Variants in RAE1 observed in about 807,000 individuals in gnomAD.
RAE1 encodes ribonucleic acid export 1, also known as mRNA export factor RAE1.
RAE1 carries 13 observed loss-of-function variants against 52.7 expected under a neutral mutation model. That is an observed-to-expected ratio of 0.25 (90% CI 0.16 to 0.39). The LOEUF is 0.39. Ranked by LOEUF, RAE1 falls within the 10% of genes least tolerant of loss-of-function variation. The probability of loss-of-function intolerance (pLI) is 1.00; values close to 1 mark genes in which losing one functional copy is unlikely to be tolerated. For missense variants in RAE1, 262 were observed against 459.8 expected (o/e 0.57, Z 3.93); for synonymous variants, 164 against 153.1 (o/e 1.07, Z -0.52).
rs766828256 is a variant in RAE1, at chr20:57,367,077, G to A, written c.532G>A (p.Val178Met). ...QLPERCYCAD[V>M]IYPMAVVATA... ...CCCTGAAAGGTGTTACTGTGCTGACGTGGTAAGGGATTTCAACTTAATATG... is the reference window on the plus strand; with the variant it reads ...CCCTGAAAGGTGTTACTGTGCTGACATGGTAAGGGATTTCAACTTAATATG... Residue 178 changes from valine (V) to methionine (M), a missense_variant and splice_region_variant, in exon 7 of 12, where the codon GTG (valine) becomes ATG (methionine). Physicochemically the swap from Val to Met is conservative, Grantham distance 21. Coordinates refer to ENST00000395841, the MANE Select transcript of RAE1 (RefSeq NM_003610.4). 1.9e-5 allele frequency: 30 copies of A among 1,576,274 alleles called. No individual in the cohort carries two copies. Among genetic ancestry groups the A allele is most frequent in the African/African-American group, 6.8e-5 (5 of 73,222 alleles).
chr20:57,369,424 C>A (rs1040716002), intron 8 of RAE1, among the ~76,000 whole-genome samples: 1 of 152,212 alleles, frequency 6.6e-6, no homozygotes, highest in South Asian at 2.1e-4. Context: ...AGTTAATCTT[C>A]CCTAATCAGG....
chr20:57,373,852 T>G, intron 10 of RAE1, 114 bp downstream of exon 10: 1 of 1,123,056 alleles, frequency 8.9e-7, no homozygotes, highest in Non-Finnish European at 1.3e-6. Flanking sequence ...TGTGTTCATG[T>G]CCGGAGATAA....
chr20:57,362,873 G>C (rs970412606), intron 4 of RAE1, among the ~76,000 whole-genome samples: 2 of 152,156 alleles, frequency 1.3e-5, no homozygotes, highest in East Asian at 3.9e-4. Flanking sequence ...TCCACCTCCT[G>C]GGTTCTAAGT....
At chr20:57,351,519 G>T in intron 1 of RAE1, 97 bp downstream of exon 1, 1 of 985,482 alleles carries the variant, frequency 1.0e-6, no homozygotes, top group Non-Finnish European at 1.2e-6. Flanking sequence ...CGGGATGCTG[G>T]GGCGCGAGCG....
chr20:57,354,626 A>C, intron 2 of RAE1, 86 bp from the exon 3 acceptor site: 2 of 919,760 alleles, frequency 2.2e-6, no homozygotes, highest in Non-Finnish European at 3.2e-6. Flanking sequence ...AGGAAAGGCC[A>C]CCGTGAGGTA....
intron 4 of RAE1, among the ~76,000 whole-genome samples, chr20:57,363,873 C>T (rs79155574): frequency 0.038 from 5,770 of 152,194 alleles, 149 homozygotes; most frequent in African/African-American, 0.082. Context: ...TACAACTTCT[C>T]GATAGTGGAA....
chr20:57,359,322 C>T (rs1361887423), intron 4 of RAE1: 4 of 245,806 alleles, frequency 1.6e-5, no homozygotes, highest in South Asian at 1.7e-4. Context: ...GGGTTACTCC[C>T]GTCTGATGTA....
At chr20:57,364,703 G>T (rs2066931374) in intron 4 of RAE1, among the ~76,000 whole-genome samples, 1 of 152,200 alleles carries the variant, frequency 6.6e-6, no homozygotes, top group African/African-American at 2.4e-5. Context: ...CTTTCAAGCT[G>T]CAGTGACAGA....
chr20:57,359,076 C>A, intron 4 of RAE1: 1 of 1,436,664 alleles, frequency 7.0e-7, no homozygotes, highest in South Asian at 1.4e-5. Context: ...AGTGATTATG[C>A]TACCTTCGCA....
At chr20:57,358,779 G>A in intron 4 of RAE1, 1 of 401,100 alleles carries the variant, frequency 2.5e-6, no homozygotes, top group Admixed American at 4.4e-5. Context: ...CAAATTATTG[G>A]GTCGATGTGT....
chr20:57,375,286 A>G (rs938117895), intron 11 of RAE1, among the ~76,000 whole-genome samples: 13 of 152,186 alleles, frequency 8.5e-5, no homozygotes, highest in African/African-American at 2.6e-4. Context: ...TTGGCTTTCA[A>G]CCAGCCTGCG....
At chr20:57,358,402 TA>T (rs2066830899) in intron 4 of RAE1, 1 of 152,262 alleles carries the variant, frequency 6.6e-6, no homozygotes, top group South Asian at 2.1e-4. Flanking sequence ...CCTCTGATTA[TA>T]AAGTGTTAAG....
chr20:57,359,395 ATAGAT>A (rs2066856890), intron 4 of RAE1: 1 of 165,948 alleles, frequency 6.0e-6, no homozygotes, highest in Non-Finnish European at 1.3e-5. Flanking sequence ...CTATTAAGTA[ATAGAT>A]TAGTCCAATG....
chr20:57,375,942 C>T (rs2067108217), intron 11 of RAE1, among the ~76,000 whole-genome samples: 1 of 152,224 alleles, frequency 6.6e-6, no homozygotes, highest in African/African-American at 2.4e-5. Context: ...GCCTTGCTGG[C>T]CCCCCGCTAT....
At chr20:57,377,604 C>T (rs1017142437) in intron 11 of RAE1, among the ~76,000 whole-genome samples, 6 of 152,178 alleles carry the variant, frequency 3.9e-5, no homozygotes, top group Non-Finnish European at 8.8e-5. Flanking sequence ...CCATGTGGGG[C>T]GGGGTGTCCT....
rs2066788647 is a variant in RAE1 at position 57,356,463 on chromosome 20, T to C, written c.213T>C (p.Val71=). 1.2e-6 allele frequency: 2 copies of C among 1,612,704 alleles called. No homozygotes were observed. Among genetic ancestry groups the C allele is most frequent in the Non-Finnish European group, 1.7e-6 (2 of 1,179,120 alleles). Residue 71 remains valine, a synonymous_variant, in exon 4 of 12, where the codon GTT becomes GTC. Coordinates refer to ENST00000395841, the MANE Select transcript of RAE1 (RefSeq NM_003610.4). ...TACTACAGGTTCGCTGCTGGGAAGTTCAAGACAGTGGACAGACCATTCCAA... is the reference window on the plus strand; with the variant it reads ...TACTACAGGTTCGCTGCTGGGAAGTCCAAGACAGTGGACAGACCATTCCAA... ...SWANDVRCWE[V]QDSGQTIPKA...
intron 7 of RAE1, among the ~76,000 whole-genome samples, 162 bp downstream of exon 7, chr20:57,367,241 A>G (rs745747533): frequency 1.4e-4 from 21 of 152,106 alleles, no homozygotes; most frequent in Non-Finnish European, 2.6e-4. Context: ...GTCGTCTCCA[A>G]TTGGGAGATT....
At chr20:57,375,558 C>T (rs1042241944) in intron 11 of RAE1, among the ~76,000 whole-genome samples, 1 of 151,844 alleles carries the variant, frequency 6.6e-6, no homozygotes, top group Non-Finnish European at 1.5e-5. Flanking sequence ...TCTGGGCCTT[C>T]TCCCACTGTC....
chr20:57,351,606 G>A, intron 1 of RAE1, 184 bp downstream of exon 1: 4 of 985,572 alleles, frequency 4.1e-6, no homozygotes, highest in Non-Finnish European at 4.8e-6. Flanking sequence ...GTCACCTAGG[G>A]CCTAATCCAT....
Sources: allele counts gnomAD v4.1 joint callset (sites outside exome capture counted in the v4.1 genomes callset), GRCh38; gene constraint gnomAD v4.1.1; transcripts MANE v1.5; gene names NCBI Gene and HGNC (gene_info 2026-07-23, HGNC 2026-07-21).